ATAD2B: variants seen among roughly 807,000 people sequenced by gnomAD.
ATAD2B encodes the protein ATPase family AAA domain-containing protein 2B.
ATAD2B carries 40 observed loss-of-function variants against 167.6 expected under a neutral mutation model. That is an observed-to-expected ratio of 0.24 (90% CI 0.19 to 0.31). The LOEUF (loss-of-function observed/expected upper bound fraction) is 0.31, where lower values mean the gene tolerates loss of function less well. Among genes scored for constraint, ATAD2B ranks in the 10% least tolerant of loss-of-function variants. The pLI is 1.00. For synonymous variants in ATAD2B, 579 were observed against 596.5 expected (o/e 0.97, Z 0.43); for missense variants, 1,242 against 1,757.2 (o/e 0.71, Z 5.24).
intron 17 of ATAD2B, among the ~76,000 whole-genome samples, chr2:23,818,112 C>T (rs1686770905): frequency 2.6e-5 from 3 of 115,896 alleles, no homozygotes; most frequent in Admixed American, 8.9e-5. Flanking sequence ...CACACACACA[C>T]ACACACACAT....
chr2:23,792,231 T>C (rs1183832158), intron 19 of ATAD2B, among the ~76,000 whole-genome samples: 2 of 152,030 alleles, frequency 1.3e-5, no homozygotes, highest in South Asian at 4.1e-4. Context: ...GTATTTTTAG[T>C]AGAGACGGGG....
intron 19 of ATAD2B, among the ~76,000 whole-genome samples, chr2:23,794,798 A>C (rs1181883502): frequency 6.6e-6 from 1 of 152,124 alleles, no homozygotes; most frequent in Non-Finnish European, 1.5e-5. Flanking sequence ...TATATGGTTT[A>C]TAGTTTTATT....
At chr2:23,836,511 T>C (rs2712049) in intron 13 of ATAD2B, among the ~76,000 whole-genome samples, 9,928 of 152,260 alleles carry the variant, frequency 0.065, 416 homozygotes, top group African/African-American at 0.13. Context: ...AGCCCTGCCA[T>C]CTGACAGGTC....
chr2:23,716,408 T>C, the ATAD2B span, among the ~76,000 whole-genome samples: 2 of 151,836 alleles, frequency 1.3e-5, no homozygotes, highest in African/African-American at 4.8e-5. Flanking sequence ...AGATCAGGTA[T>C]ATTAGCCTGC....
Position 23,849,766 on chromosome 2 carries a change from T to C in ATAD2B, c.1568+7649A>G, listed in dbSNP as rs924160422. ...TCACTTGAACCTTGGAGGCGGAGGT[T>C]GCAGTAAGCCAGACAGAGCCACTGC... On this transcript the variant is annotated intron_variant, in intron 13 of 27. Coordinates refer to ENST00000238789, the MANE Select transcript of ATAD2B (RefSeq NM_017552.4). Among the ~76,000 whole-genome samples, 12 of 152,006 alleles carry C rather than the reference T, an allele frequency of 7.9e-5. 1 individual carries two copies. The highest frequency in any genetic ancestry group is 1.6e-4 in the Non-Finnish European group (11 of 68,000).
At position 23,783,676 on chromosome 2, in the gene ATAD2B, C is replaced by T. The variant is rs1041726187; in HGVS notation, c.2974-648G>A. Among the ~76,000 whole-genome samples the T allele has an allele frequency of 2.0e-5, 3 of 152,150 alleles. No individual in the cohort carries two copies. The East Asian group carries it at 5.8e-4, about 29-fold the overall frequency. The stretch of plus-strand genomic sequence containing the variant: ...TGTGCTGATTTTCTGTGAGATAACC[C>T]TAAACAGGAGATATTACGTCATGAT... On this transcript the variant is annotated intron_variant, in intron 21 of 27. Transcript: ENST00000238789.
chr2:23,686,674 C>T, the ATAD2B span, among the ~76,000 whole-genome samples: 1 of 152,084 alleles, frequency 6.6e-6, no homozygotes, highest in Admixed American at 6.5e-5. Flanking sequence ...GAGCAGTTGA[C>T]CATCTGGTGT....
intron 13 of ATAD2B, among the ~76,000 whole-genome samples, chr2:23,852,919 C>CA (rs1169910826): frequency 0.011 from 1,150 of 101,116 alleles, 8 homozygotes; most frequent in African/African-American, 0.033. Context: ...ACTCCATCTC[C>CA]AAAAAAAAAA....
At chr2:23,739,154 T>C in the ATAD2B span, among the ~76,000 whole-genome samples, 1 of 151,986 alleles carries the variant, frequency 6.6e-6, no homozygotes, top group Non-Finnish European at 1.5e-5. Context: ...GACAGGAAGT[T>C]AACAAGGATA....
intron 14 of ATAD2B, among the ~76,000 whole-genome samples, chr2:23,830,290 A>G (rs1326102717): frequency 6.6e-6 from 1 of 152,186 alleles, no homozygotes; most frequent in Non-Finnish European, 1.5e-5. Flanking sequence ...AGCCTAAAAT[A>G]GTTTTCTTAA....
chr2:23,712,656 C>G, the ATAD2B span, among the ~76,000 whole-genome samples: 1 of 152,044 alleles, frequency 6.6e-6, no homozygotes, highest in African/African-American at 2.4e-5. Flanking sequence ...CCAGCTGGGT[C>G]AAGGAGCTGA....
the ATAD2B span, among the ~76,000 whole-genome samples, chr2:23,728,033 G>A: frequency 6.6e-6 from 1 of 152,144 alleles, no homozygotes; most frequent in Non-Finnish European, 1.5e-5. Context: ...AACACAGAGT[G>A]AGCCCTAATG....
At chr2:23,767,865 G>A (rs1202685667) in intron 22 of ATAD2B, among the ~76,000 whole-genome samples, 4 of 151,062 alleles carry the variant, frequency 2.6e-5, no homozygotes, top group Non-Finnish European at 5.9e-5. Context: ...ATGGGGAGAC[G>A]GACATACTAT....
intron 13 of ATAD2B, among the ~76,000 whole-genome samples, chr2:23,841,671 A>G (rs1269641561): frequency 6.6e-6 from 1 of 152,028 alleles, no homozygotes; most frequent in Non-Finnish European, 1.5e-5. Context: ...ACAGGCCACG[A>G]CACTCAGCTA....
chr2:23,820,162 G>C (rs1260299580), intron 16 of ATAD2B, among the ~76,000 whole-genome samples: 1 of 151,534 alleles, frequency 6.6e-6, no homozygotes, highest in Non-Finnish European at 1.5e-5. Flanking sequence ...TGGAAAAGAT[G>C]TGGCACTCTC....
chr2:23,925,010 T>C (rs960596573), intron 1 of ATAD2B, among the ~76,000 whole-genome samples: 4 of 152,218 alleles, frequency 2.6e-5, no homozygotes, highest in Non-Finnish European at 4.4e-5. Context: ...GGCATTCACA[T>C]AGCATGATAC....
Position 23,823,545 on chromosome 2 carries a change from G to C in ATAD2B, c.1844C>G (p.Ala615Gly). ...AATCAGGGCGGCTTCAGTGCACAGGGCCTTGATATCGGCTCCACAGTAGCC... is the reference window on the plus strand; with the variant it reads ...AATCAGGGCGGCTTCAGTGCACAGGCCCTTGATATCGGCTCCACAGTAGCC... Reference protein sequence around the residue: ...CVGYCGADIKALCTEAALIAL... With the variant: ...CVGYCGADIKGLCTEAALIAL... The change falls in exon 16 of 28, where the codon GCC (alanine) becomes GGC (glycine). Residue 615 changes from alanine to glycine, a missense_variant. This residue lies in a region of ATAD2B where 151 missense variants were observed against 284.1 expected (regional missense o/e 0.53). Transcript: ENST00000238789. 1 of 1,612,562 alleles carries C rather than the reference G, an allele frequency of 6.2e-7. No individual in the cohort carries two copies. The highest frequency in any genetic ancestry group is 8.5e-7 in the Non-Finnish European group (1 of 1,179,670).
intron 7 of ATAD2B, among the ~76,000 whole-genome samples, chr2:23,878,010 CAAAGA>C (rs746811899): frequency 0.22 from 6,004 of 27,440 alleles, 271 homozygotes; most frequent in Middle Eastern, 0.29. Flanking sequence ...ACCCTATCTC[CAAAGA>C]AAAAAAAAAA....
chr2:23,745,457 A>AAGGGAAGGGAAGGGAAGGG (rs1674826102), downstream of ATAD2B, among the ~76,000 whole-genome samples: 1 of 128,898 alleles, frequency 7.8e-6, no homozygotes, highest in Admixed American at 7.8e-5. Flanking sequence ...GAAGGGAAGG[A>AAGGGAAGGGAAGGGAAGGG]AGGAAAGGAA....
Sources: allele counts gnomAD v4.1 joint callset (sites outside exome capture counted in the v4.1 genomes callset), GRCh38; gene constraint gnomAD v4.1.1; regional missense constraint gnomAD v4.1.1; transcripts MANE v1.5; gene names NCBI Gene and HGNC (gene_info 2026-07-23, HGNC 2026-07-21).